The following EML1 variants were observed in gnomAD, a reference collection of about 807,000 sequenced individuals.
EML1 encodes EMAP like 1, also known as echinoderm microtubule-associated protein-like 1.
A neutral mutation model predicts 110.4 loss-of-function variants in EML1; 27 were observed. The ratio of observed to expected loss-of-function variants is 0.24; its 90% CI spans 0.18 to 0.34. EML1 has a LOEUF of 0.34. Ranked by LOEUF, EML1 falls within the 10% of genes least tolerant of loss-of-function variation. The pLI is 1.00. For missense variants in EML1, 741 were observed against 1,030.9 expected (o/e 0.72, Z 3.85); for synonymous variants, 344 against 385.8 (o/e 0.89, Z 1.27).
rs534986410 is a variant in EML1 at position 99,900,884 on chromosome 14, G to A, written c.898-45G>A. 7 of 1,512,552 alleles carry A rather than the reference G, an allele frequency of 4.6e-6. 1 individual carries two copies. Among genetic ancestry groups the A allele is most frequent in the South Asian group, 1.1e-5 (1 of 88,774 alleles). The allele number at this position is 1,512,552 out of a possible 1,614,324, so 93.7% of individuals were successfully genotyped here. ...GTAGCTTCAAGGTAAAGACACATGT[G>A]TATCACCATCACAATTGATGGCTCT... On this transcript the variant is annotated intron_variant, in intron 8 of 21. Coordinates refer to ENST00000262233, the MANE Select transcript of EML1 (RefSeq NM_004434.3).
intron 1 of EML1, chr14:99,850,079 A>C: frequency 2.8e-6 from 1 of 355,316 alleles, no homozygotes; most frequent in Non-Finnish European, 5.4e-6. Flanking sequence ...ACAGGCACAT[A>C]CCACCACACC....
chr14:99,795,712 A>G (rs2057757946), intron 1 of EML1, among the ~76,000 whole-genome samples: 1 of 152,240 alleles, frequency 6.6e-6, no homozygotes, highest in African/African-American at 2.4e-5. Context: ...CATTAGCTAC[A>G]TTGGCAAACA....
intron 3 of EML1, chr14:99,875,020 A>G (rs1475333867): frequency 6.2e-7 from 1 of 1,603,964 alleles, no homozygotes; most frequent in Non-Finnish European, 8.5e-7. Flanking sequence ...TTGTCACCAT[A>G]GCTGTTCCTT....
intron 17 of EML1, among the ~76,000 whole-genome samples, chr14:99,924,429 T>C (rs72710067): frequency 0.06 from 9,166 of 152,322 alleles, 354 homozygotes; most frequent in Non-Finnish European, 0.086. Context: ...TCTTCCTATA[T>C]ATACTTGCCT....
chr14:99,771,181 A>G (rs2057424648), upstream of EML1, among the ~76,000 whole-genome samples: 1 of 152,002 alleles, frequency 6.6e-6, no homozygotes, highest in Non-Finnish European at 1.5e-5. Context: ...TATTTATTAG[A>G]GTATATTTTT....
chr14:99,864,797 C>T (rs1447085434), intron 2 of EML1, among the ~76,000 whole-genome samples: 2 of 137,236 alleles, frequency 1.5e-5, no homozygotes, highest in Non-Finnish European at 3.1e-5. Context: ...AAGAGTGAAA[C>T]TCTGTCTCAA....
In EML1 at chr14:99,781,936, T is replaced by C. The variant is rs1455437772; in HGVS notation, c.-27+7923T>C. On this transcript the variant is annotated intron_variant, in intron 1 of 22. Transcript: ENST00000327921. This position sits in a 1 kb window ranked among gnomAD's most constrained non-coding sequence, Gnocchi z 4.2. Reference sequence around the variant, plus strand: ...TCCGCCTCAGACCCTGGGGTTTCACTAATCCCCATGTGTCTGTCGGTCCCA... The same window carrying C: ...TCCGCCTCAGACCCTGGGGTTTCACCAATCCCCATGTGTCTGTCGGTCCCA... Among the ~76,000 whole-genome samples the C allele has an allele frequency of 1.3e-5, 2 of 152,184 alleles. No individual in the cohort carries two copies. Among genetic ancestry groups the C allele is most frequent in the Admixed American group, 1.3e-4 (2 of 15,290 alleles).
At chr14:99,862,486 G>A (rs1417149947) in intron 2 of EML1, among the ~76,000 whole-genome samples, 12 of 152,178 alleles carry the variant, frequency 7.9e-5, no homozygotes, top group Admixed American at 5.2e-4. Flanking sequence ...TCAGAATACA[G>A]CTGTATGGGG....
chr14:99,829,032 T>C (rs2058405950), intron 1 of EML1, among the ~76,000 whole-genome samples: 1 of 152,140 alleles, frequency 6.6e-6, no homozygotes, highest in Non-Finnish European at 1.5e-5. Context: ...TTCAACTGTC[T>C]AGGAAAAAAC....
Position 99,802,436 on chromosome 14 carries a change from G to T in EML1, c.67+8893G>T, listed in dbSNP as rs1470104337. 2.6e-5 allele frequency among the ~76,000 whole-genome samples: 4 copies of T among 151,984 alleles called. No individual in the cohort carries two copies. In the South Asian group the frequency reaches 8.3e-4, roughly 32 times the overall value. On this transcript the variant is annotated intron_variant, in intron 1 of 21. Coordinates refer to ENST00000262233, the MANE Select transcript of EML1 (RefSeq NM_004434.3). ...GGCAGTCCAGGGTGGAGGTAGGAGG[G>T]TAGAGGTGGGGGGCCATGGCAGTAA...
chr14:99,850,466 C>A, intron 1 of EML1: 1 of 732,948 alleles, frequency 1.4e-6, no homozygotes, highest in Non-Finnish European at 2.0e-6. Flanking sequence ...ATAATTGGAA[C>A]AGAAGCTAGA....
chr14:99,847,333 T>C (rs937363509), intron 1 of EML1, among the ~76,000 whole-genome samples: 1 of 152,166 alleles, frequency 6.6e-6, no homozygotes, highest in Non-Finnish European at 1.5e-5. Flanking sequence ...TGTTCAAATA[T>C]TCTATGTCTG....
intron 12 of EML1, among the ~76,000 whole-genome samples, 193 bp downstream of exon 12, chr14:99,910,534 T>C (rs1394496847): frequency 6.6e-6 from 1 of 152,178 alleles, no homozygotes; most frequent in African/African-American, 2.4e-5. Flanking sequence ...AAGCGGAGAA[T>C]AGTAAGAGTT....
chr14:99,853,643 A>G (rs553611887), intron 2 of EML1, among the ~76,000 whole-genome samples: 1 of 152,290 alleles, frequency 6.6e-6, no homozygotes, highest in South Asian at 2.1e-4. Flanking sequence ...ATGCTCATAT[A>G]GACTTGAAGT....
intron 2 of EML1, among the ~76,000 whole-genome samples, chr14:99,861,670 C>T (rs2059005384): frequency 6.6e-6 from 1 of 152,070 alleles, no homozygotes; most frequent in Non-Finnish European, 1.5e-5. Context: ...TTAGTAGAGA[C>T]GAGGTTTCAC....
At chr14:99,755,484 C>T (rs1187688430) in intron 1 of EML1, among the ~76,000 whole-genome samples, 3 of 152,280 alleles carry the variant, frequency 2.0e-5, no homozygotes, top group East Asian at 1.9e-4. Context: ...GTGGTTGTGG[C>T]GGCTCCAGAA....
rs2058787597 is a variant in EML1, at chr14:99,850,991, C to T, written c.206C>T (p.Thr69Ile). ...LADVVRRLNITEEQQAVLNRK... is the reference protein window; with the variant it reads ...LADVVRRLNIIEEQQAVLNRK... ...GATGTGGTTCGGCGGCTGAACATTA[C>T]TGAGGAACAGCAGGCCGTGCTTAAC... The change falls in exon 2 of 22, where the codon ACT becomes ATT. Residue 69 changes from threonine (T) to isoleucine (I), a missense_variant. Physicochemically the swap from Thr to Ile is moderately conservative, Grantham distance 89. Coordinates refer to ENST00000262233, the MANE Select transcript of EML1 (RefSeq NM_004434.3). 3.1e-6 allele frequency: 5 copies of T among 1,614,136 alleles called. No individual in the cohort carries two copies. The South Asian group carries it at 4.4e-5, about 14-fold the overall frequency.
At chr14:99,765,339 C>T (rs1235354889) in intron 1 of EML1, among the ~76,000 whole-genome samples, 1 of 152,082 alleles carries the variant, frequency 6.6e-6, no homozygotes, top group Non-Finnish European at 1.5e-5. Context: ...CCCATTTCAT[C>T]TTGCCAAGCG....
At chr14:99,741,636 C>T (rs1453147884) in intron 1 of EML1, among the ~76,000 whole-genome samples, 1 of 152,216 alleles carries the variant, frequency 6.6e-6, no homozygotes, top group Admixed American at 6.5e-5. Flanking sequence ...CCACCCCCCC[C>T]CAGACCTCAC....
Sources: gnomAD v4.1 joint callset for allele counts (sites outside exome capture counted in the v4.1 genomes callset) on GRCh38, gnomAD v4.1.1 for gene constraint, Gnocchi (gnomAD v3.1) non-coding constraint, MANE v1.5 for transcripts, NCBI Gene and HGNC (gene_info 2026-07-23, HGNC 2026-07-21) for gene names.